The following LRRTM4 variants were observed in gnomAD, a reference collection of about 807,000 sequenced individuals.
LRRTM4 encodes the protein leucine-rich repeat transmembrane neuronal protein 4.
A neutral mutation model predicts 47.6 loss-of-function variants in LRRTM4; 25 were observed. The observed-to-expected ratio is 0.53, with a 90% CI of 0.38 to 0.73. The LOEUF is 0.73. Among genes scored for constraint, LRRTM4 ranks in the 30% least tolerant of loss-of-function variants. The probability of loss-of-function intolerance (pLI) is 0.00; values close to 1 mark genes in which losing one functional copy is unlikely to be tolerated. For missense variants in LRRTM4, 638 were observed against 713.4 expected (o/e 0.89, Z 1.20); for synonymous variants, 311 against 269.5 (o/e 1.15, Z -1.51).
intron 3 of LRRTM4, among the ~76,000 whole-genome samples, chr2:77,049,080 A>C (rs1679328008): frequency 2.2e-5 from 3 of 139,426 alleles, no homozygotes. Context: ...TGTTGCTGTG[A>C]ATGACAGTTT....
At chr2:77,387,582 G>T (rs1250870219) in intron 3 of LRRTM4, among the ~76,000 whole-genome samples, 1 of 152,202 alleles carries the variant, frequency 6.6e-6, no homozygotes, top group East Asian at 1.9e-4. Flanking sequence ...TGGACAAGGG[G>T]AGCCCACGTG....
chr2:77,368,870 T>G (rs1672553598), intron 3 of LRRTM4, among the ~76,000 whole-genome samples: 1 of 151,732 alleles, frequency 6.6e-6, no homozygotes, highest in Non-Finnish European at 1.5e-5. Context: ...GGGGAAGAAT[T>G]GCTAGATCGC....
At chr2:77,145,539 C>T (rs745762527) in intron 3 of LRRTM4, among the ~76,000 whole-genome samples, 8 of 151,374 alleles carry the variant, frequency 5.3e-5, no homozygotes, top group African/African-American at 1.2e-4. Flanking sequence ...GAGGCCAAGG[C>T]GGGCAGATCA....
At chr2:76,870,102 C>T (rs1349975920) in intron 3 of LRRTM4, among the ~76,000 whole-genome samples, 1 of 152,134 alleles carries the variant, frequency 6.6e-6, no homozygotes, top group Non-Finnish European at 1.5e-5. Flanking sequence ...TTAATGCTTA[C>T]CAGTAGCCAG....
intron 3 of LRRTM4, among the ~76,000 whole-genome samples, chr2:77,258,987 G>A (rs1413384815): frequency 1.3e-5 from 2 of 151,836 alleles, no homozygotes; most frequent in Non-Finnish European, 2.9e-5. Context: ...CAGGGAATAT[G>A]GATTTTTACT....
At chr2:77,364,745 G>A (rs1672377222) in intron 3 of LRRTM4, among the ~76,000 whole-genome samples, 3 of 151,980 alleles carry the variant, frequency 2.0e-5, no homozygotes, top group South Asian at 4.2e-4. Flanking sequence ...ATAGTAAGGG[G>A]GCATATAAAA....
At chr2:76,924,768 G>C (rs530989604) in intron 3 of LRRTM4, among the ~76,000 whole-genome samples, 1 of 151,622 alleles carries the variant, frequency 6.6e-6, no homozygotes, top group African/African-American at 2.4e-5. Context: ...AGACACACAC[G>C]CAGACACACA....
intron 3 of LRRTM4, among the ~76,000 whole-genome samples, chr2:77,439,469 G>T (rs1675747099): frequency 6.6e-6 from 1 of 151,892 alleles, no homozygotes; most frequent in Non-Finnish European, 1.5e-5. Context: ...AGCAAGAAAA[G>T]CTGAAACTAT....
chr2:77,019,489 C>T (rs970522651), intron 3 of LRRTM4, among the ~76,000 whole-genome samples: 6 of 151,934 alleles, frequency 3.9e-5, no homozygotes, highest in African/African-American at 1.4e-4. Flanking sequence ...GTGACTACAC[C>T]AGTGAAATAA....
intron 3 of LRRTM4, among the ~76,000 whole-genome samples, chr2:76,836,825 C>T (rs1191373778): frequency 1.3e-5 from 2 of 151,970 alleles, no homozygotes; most frequent in Non-Finnish European, 2.9e-5. Flanking sequence ...GAAGAATGTA[C>T]CTTGGGGCTA....
At chr2:77,408,536 C>A (rs1018326865) in intron 3 of LRRTM4, among the ~76,000 whole-genome samples, 8 of 152,138 alleles carry the variant, frequency 5.3e-5, no homozygotes, top group Non-Finnish European at 1.2e-4. Context: ...TGTGGAAATT[C>A]TGTTCACAAA....
chr2:77,180,250 G>A (rs1673312303), intron 3 of LRRTM4, among the ~76,000 whole-genome samples: 1 of 152,148 alleles, frequency 6.6e-6, no homozygotes, highest in Non-Finnish European at 1.5e-5. Context: ...CTGAGTCCCA[G>A]TACAGTTTTC....
At chr2:76,888,836 T>C (rs1673161909) in intron 3 of LRRTM4, among the ~76,000 whole-genome samples, 1 of 151,902 alleles carries the variant, frequency 6.6e-6, no homozygotes, top group Non-Finnish European at 1.5e-5. Flanking sequence ...TTATGAACTG[T>C]TAATTAAGCC....
intron 3 of LRRTM4, among the ~76,000 whole-genome samples, chr2:77,384,780 G>T (rs1481039475): frequency 1.3e-5 from 2 of 151,962 alleles, no homozygotes; most frequent in Non-Finnish European, 2.9e-5. Context: ...CATTGTTGAT[G>T]GAACAACAAA....
At chr2:76,819,313 G>A (rs762459748) in intron 3 of LRRTM4, among the ~76,000 whole-genome samples, 3 of 151,730 alleles carry the variant, frequency 2.0e-5, no homozygotes, top group Non-Finnish European at 4.4e-5. Context: ...GAATCATGGA[G>A]AAGTTACATT....
At chr2:76,855,699 T>C (rs1054255812) in intron 3 of LRRTM4, among the ~76,000 whole-genome samples, 2 of 151,500 alleles carry the variant, frequency 1.3e-5, no homozygotes, top group African/African-American at 2.4e-5. Flanking sequence ...GTCTAGAGAG[T>C]GGGTCTGAGG....
chr2:77,203,087 G>A (rs921906823), intron 3 of LRRTM4, among the ~76,000 whole-genome samples: 13 of 151,860 alleles, frequency 8.6e-5, no homozygotes, highest in Non-Finnish European at 1.6e-4. Context: ...TCTTACAGAG[G>A]AGTAAATATA....
intron 3 of LRRTM4, among the ~76,000 whole-genome samples, chr2:77,257,636 G>T (rs1005907081): frequency 6.6e-6 from 1 of 151,658 alleles, no homozygotes; most frequent in Non-Finnish European, 1.5e-5. Context: ...AGCAGGAAAA[G>T]ATAAGTTATA....
intron 3 of LRRTM4, among the ~76,000 whole-genome samples, chr2:76,919,398 T>G (rs145945516): frequency 6.6e-6 from 1 of 152,224 alleles, no homozygotes; most frequent in East Asian, 1.9e-4. Flanking sequence ...GGCAGAATAT[T>G]CCAAGAGCTC....
Sources: allele counts gnomAD v4.1 joint callset (sites outside exome capture counted in the v4.1 genomes callset), GRCh38; gene constraint gnomAD v4.1.1; transcripts MANE v1.5; gene names NCBI Gene and HGNC (gene_info 2026-07-23, HGNC 2026-07-21).